The following RASGRP3 variants were observed in gnomAD, a reference collection of about 807,000 sequenced individuals.
RASGRP3 encodes the protein RAS guanyl releasing protein 3.
RASGRP3 carries 54 observed loss-of-function variants against 82.7 expected under a neutral mutation model. The ratio of observed to expected loss-of-function variants is 0.65; its 90% CI spans 0.52 to 0.82. RASGRP3 has a LOEUF of 0.82. Among genes scored for constraint, RASGRP3 ranks in the 40% least tolerant of loss-of-function variants. RASGRP3 has a pLI of 0.00. For missense variants in RASGRP3, 861 were observed against 828.9 expected (o/e 1.04, Z -0.48); for synonymous variants, 309 against 300.5 (o/e 1.03, Z -0.29).
intron 15 of RASGRP3, among the ~76,000 whole-genome samples, chr2:33,556,263 C>T (rs1675946995): frequency 7.7e-5 from 3 of 38,936 alleles, no homozygotes; most frequent in South Asian, 1.8e-3. Flanking sequence ...TTTTTTGAGA[C>T]GGAGTCTCGC....
Position 33,562,800 on chromosome 2 carries a change from C to A in RASGRP3, c.*63C>A. 1 of 1,571,384 alleles carries A rather than the reference C, an allele frequency of 6.4e-7. No individual in the cohort carries two copies. Among genetic ancestry groups the A allele is most frequent in the Non-Finnish European group, 8.8e-7 (1 of 1,141,968 alleles). On this transcript the variant is annotated 3_prime_UTR_variant, in exon 18 of 18. Transcript: ENST00000403687. Reference sequence around the variant, plus strand: ...TTTGGAAGGGGCAAGACGAGAAACTCTGAAGAAAGCTCTGACTCTCAGGAA... The same window carrying A: ...TTTGGAAGGGGCAAGACGAGAAACTATGAAGAAAGCTCTGACTCTCAGGAA...
chr2:33,541,206 A>T (rs910639438), intron 12 of RASGRP3, among the ~76,000 whole-genome samples: 3 of 147,406 alleles, frequency 2.0e-5, no homozygotes, highest in African/African-American at 7.3e-5. Context: ...AGATAGAATC[A>T]TCAAAAATAT....
At chr2:33,551,994 AAAAC>A (rs201569860) in intron 14 of RASGRP3, among the ~76,000 whole-genome samples, 1,808 of 134,164 alleles carry the variant, frequency 0.013, 15 homozygotes, top group Non-Finnish European at 0.018. Flanking sequence ...CTCCATCTCA[AAAAC>A]AAACAAACAA....
At chr2:33,458,639 T>G (rs918063940) in intron 2 of RASGRP3, among the ~76,000 whole-genome samples, 1 of 152,188 alleles carries the variant, frequency 6.6e-6, no homozygotes, top group African/African-American at 2.4e-5. Context: ...TCAGATGGTA[T>G]GTGGAAGAGC....
chr2:33,542,802 GC>G (rs1364355019), intron 12 of RASGRP3, among the ~76,000 whole-genome samples: 1 of 150,004 alleles, frequency 6.7e-6, no homozygotes, highest in African/African-American at 2.4e-5. Flanking sequence ...TCGTGCCTCA[GC>G]CCCCTGAGTA....
At position 33,523,913 on chromosome 2, in the gene RASGRP3, G is replaced by A. The variant is rs1276523993; in HGVS notation, c.551G>A (p.Cys184Tyr). 6.2e-7 allele frequency: 1 copy of A among 1,613,246 alleles called. No homozygotes were observed. The highest frequency in any genetic ancestry group is 1.3e-5 in the African/African-American group (1 of 74,890). ...TACCAAAGCTATGTCATCCATGGCT[G>A]CCTGGAGAATAATCCAACCTTGGAA... Reference protein sequence around the residue: ...TDYQSYVIHGCLENNPTLERS... With the variant: ...TDYQSYVIHGYLENNPTLERS... The change falls in exon 8 of 18, where the codon TGC (cysteine) becomes TAC (tyrosine). Residue 184 changes from cysteine (C) to tyrosine (Y), a missense_variant. Cys to Tyr is a radical substitution (Grantham distance 194). Transcript: ENST00000403687.
At chr2:33,541,659 T>G (rs1448514810) in intron 12 of RASGRP3, among the ~76,000 whole-genome samples, 1 of 147,460 alleles carries the variant, frequency 6.8e-6, no homozygotes, top group Non-Finnish European at 1.5e-5. Context: ...ATGGATGTAT[T>G]GACCATTTGT....
At chr2:33,456,056 C>T (rs1157338895) in intron 2 of RASGRP3, among the ~76,000 whole-genome samples, 1 of 152,152 alleles carries the variant, frequency 6.6e-6, no homozygotes, top group Non-Finnish European at 1.5e-5. Context: ...TTCCATTTCT[C>T]CCACCCTCTC....
rs146523123 is a variant in RASGRP3, at chr2:33,535,698, C to A, written c.1161+1298C>A. ...AGAGGCTCATCTCCTGGAAATACTG[C>A]AGAACAGAGCCACGTGGGATGATAT... On this transcript the variant is annotated intron_variant, in intron 11 of 17. Coordinates refer to ENST00000403687, the MANE Select transcript of RASGRP3 (RefSeq NM_001139488.2). Among the ~76,000 whole-genome samples, 6 of 152,292 alleles carry A rather than the reference C, an allele frequency of 3.9e-5. No homozygotes were observed. In the East Asian group the frequency reaches 1.2e-3, roughly 29 times the overall value.
intron 1 of RASGRP3, 51 bp downstream of exon 1, chr2:33,476,758 C>CGTGTGTGTGTGTGTGTGTGTGTGTGT (rs67368748): frequency 3.1e-4 from 43 of 140,338 alleles, no homozygotes; most frequent in African/African-American, 1.0e-3. Context: ...ATTCCCTCTC[C>CGTGTGTGTGTGTGTGTGTGTGTGTGT]GTGTGTGTGT....
intron 6 of RASGRP3, among the ~76,000 whole-genome samples, chr2:33,521,129 A>T (rs1671991165): frequency 6.6e-6 from 1 of 152,294 alleles, no homozygotes; most frequent in South Asian, 2.1e-4. Flanking sequence ...TCTGCACTTT[A>T]AAGATCCCCA....
At chr2:33,545,489 C>G (rs572392080) in intron 13 of RASGRP3, among the ~76,000 whole-genome samples, 16 of 152,180 alleles carry the variant, frequency 1.1e-4, no homozygotes, top group African/African-American at 3.9e-4. Flanking sequence ...GCTGTGAGTC[C>G]CTAGGAGGGG....
intron 11 of RASGRP3, among the ~76,000 whole-genome samples, chr2:33,538,238 C>G (rs2151065406): frequency 6.6e-6 from 1 of 152,290 alleles, no homozygotes; most frequent in East Asian, 1.9e-4. Context: ...TGTGGTGACT[C>G]ACACCTGTAA....
chr2:33,534,465 G>C (rs1296760882), intron 11 of RASGRP3, 65 bp downstream of exon 11: 1 of 1,046,114 alleles, frequency 9.6e-7, no homozygotes, highest in African/African-American at 1.6e-5. Flanking sequence ...ACAGTAATTG[G>C]CTATTACAAT....
At chr2:33,544,091 A>C (rs1234152476) in intron 13 of RASGRP3, among the ~76,000 whole-genome samples, 1 of 152,222 alleles carries the variant, frequency 6.6e-6, no homozygotes, top group East Asian at 1.9e-4. Context: ...AGGCAGGCAG[A>C]TCACTTGAGG....
Position 33,521,961 on chromosome 2 carries a change from C to A in RASGRP3, c.375C>A (p.Ser125=). ...ACTCACTCTTCTTTTATAGTCCTTC[C>A]TATGACTGGATGAGAAGAGTCACAC... The part of the protein sequence containing the change: ...VSLIDISSIP[S]YDWMRRVTQR... The change falls in exon 7 of 18, where the codon TCC becomes TCA. Residue 125 remains serine (S), a synonymous_variant. Transcript: ENST00000403687. 6.2e-7 allele frequency: 1 copy of A among 1,610,166 alleles called. No homozygotes were observed. The highest frequency in any genetic ancestry group is 8.5e-7 in the Non-Finnish European group (1 of 1,178,942).
In RASGRP3 at chr2:33,536,131, G is replaced by A. The variant is rs187029459; in HGVS notation, c.1161+1731G>A. On this transcript the variant is annotated intron_variant, in intron 11 of 17. Coordinates refer to ENST00000403687, the MANE Select transcript of RASGRP3 (RefSeq NM_001139488.2). ...CAGCCTGGCCAACATGGAGAACCTTGTCTCTACTAAAAATACAAAAATTAG... is the reference window on the plus strand; with the variant it reads ...CAGCCTGGCCAACATGGAGAACCTTATCTCTACTAAAAATACAAAAATTAG... 4.1e-4 allele frequency among the ~76,000 whole-genome samples: 63 copies of A among 151,906 alleles called. 1 individual carries two copies. Among genetic ancestry groups the A allele is most frequent in the Admixed American group, 2.2e-3 (34 of 15,244 alleles).
rs886343882 is a variant in RASGRP3 at position 33,564,611 on chromosome 2, T to C, written c.*1874T>C. On this transcript the variant is annotated 3_prime_UTR_variant, in exon 18 of 18. Transcript: ENST00000403687. The stretch of plus-strand genomic sequence containing the variant: ...GTTCTTTTGCTTCTCAAAGGAATTA[T>C]TCACTTGCCACTTTGGTTATTTTTG... 1.3e-5 allele frequency: 2 copies of C among 152,238 alleles called. No individual in the cohort carries two copies. Among genetic ancestry groups the C allele is most frequent in the Admixed American group, 6.5e-5 (1 of 15,280 alleles). 9.4% of individuals were successfully genotyped at this position (152,238 alleles called of 1,614,324 possible). A position where few individuals can be genotyped will look rare whatever the true frequency, so the allele number is the denominator to read the frequency against.
chr2:33,542,435 C>G (rs1236939276), intron 12 of RASGRP3, among the ~76,000 whole-genome samples: 1 of 146,970 alleles, frequency 6.8e-6, no homozygotes, highest in Non-Finnish European at 1.5e-5. Flanking sequence ...TTGATTTGAA[C>G]TTTATAATCA....
Sources: allele counts gnomAD v4.1 joint callset (sites outside exome capture counted in the v4.1 genomes callset), GRCh38; gene constraint gnomAD v4.1.1; transcripts MANE v1.5; gene names NCBI Gene and HGNC (gene_info 2026-07-23, HGNC 2026-07-21).